Variants in GLS2 observed in about 807,000 individuals in gnomAD.
The protein encoded by GLS2 is glutaminase liver isoform, mitochondrial.
GLS2 carries 52 observed loss-of-function variants against 79.0 expected under a neutral mutation model. The ratio of observed to expected loss-of-function variants is 0.66; its 90% CI spans 0.53 to 0.83. The LOEUF (loss-of-function observed/expected upper bound fraction) is 0.83. Among genes scored for constraint, GLS2 ranks in the 40% least tolerant of loss-of-function variants. The pLI, the probability that GLS2 is intolerant of heterozygous loss-of-function variation, is 0.00. For synonymous variants in GLS2, 238 were observed against 280.8 expected, an observed-to-expected ratio of 0.85 and a Z score of 1.52; for missense variants, 561 against 764.8, an observed-to-expected ratio of 0.73 and a Z score of 3.14.
chr12:56,479,971 A>C, intron 2 of GLS2, 70 bp from the exon 3 acceptor site: 1 of 1,560,820 alleles, frequency 6.4e-7, no homozygotes, highest in Non-Finnish European at 8.7e-7. Flanking sequence ...AATCTTTCCC[A>C]CTGGATACCC....
intron 7 of GLS2, 143 bp from the exon 8 acceptor site, chr12:56,476,120 CCTT>C (rs778764192): frequency 1.2e-4 from 85 of 729,232 alleles, no homozygotes; most frequent in Non-Finnish European, 1.9e-4. Context: ...CTTTTTTTAT[CCTT>C]CTGAAAACAC....
intron 1 of GLS2, among the ~76,000 whole-genome samples, chr12:56,482,346 A>G (rs538298815): frequency 1.8e-4 from 27 of 152,362 alleles, no homozygotes; most frequent in African/African-American, 6.3e-4. Flanking sequence ...TGGGCCAGGA[A>G]CTGTGAGGCT....
intron 1 of GLS2, among the ~76,000 whole-genome samples, chr12:56,485,531 C>T (rs1870614573): frequency 6.6e-6 from 1 of 151,990 alleles, no homozygotes. Flanking sequence ...ACCCACAGTG[C>T]TGGGATTACA....
At chr12:56,472,407 A>G in intron 15 of GLS2, 1 of 607,192 alleles carries the variant, frequency 1.6e-6, no homozygotes, top group Non-Finnish European at 2.9e-6. Context: ...CAGAAATATC[A>G]CTCACTGCCT....
intron 15 of GLS2, 74 bp from the exon 16 acceptor site, chr12:56,472,269 T>C (rs1869352650): frequency 7.4e-7 from 1 of 1,345,074 alleles, no homozygotes; most frequent in Non-Finnish European, 1.1e-6. Flanking sequence ...TGAACTGGTG[T>C]CAGACTGGAT....
In GLS2 at chr12:56,478,200, G is replaced by A. The variant is rs1869993969; in HGVS notation, c.597C>T (p.Cys199=). 1.9e-6 allele frequency: 3 copies of A among 1,614,108 alleles called. No homozygotes were observed. Among genetic ancestry groups the A allele is most frequent in the Middle Eastern group, 1.6e-4 (1 of 6,084 alleles). ...CATCTCACCGTTGACCATCCACAGT[G>A]CACAGGGAGACACCCCACAGGTCTG... ...SNPDLWGVSL[C]TVDGQRHSVG... The change falls in exon 5 of 18, where the codon TGC becomes TGT. Residue 199 remains cysteine, a synonymous_variant. Coordinates refer to ENST00000311966, the MANE Select transcript of GLS2 (RefSeq NM_013267.4).
intron 7 of GLS2, chr12:56,476,644 A>C (rs1592276693): frequency 1.5e-5 from 2 of 135,076 alleles, no homozygotes. Flanking sequence ...CCCAGGCTGG[A>C]GTGCAGTGGC....
chr12:56,474,728 A>G lies in GLS2; in HGVS notation c.1048-8T>C, dbSNP rs200412931. Reference sequence around the variant, plus strand: ...GACCTCCACAGAACACAGCTATGAAAACAAAGAATAGGTGAAGATGTGACG... The same window carrying G: ...GACCTCCACAGAACACAGCTATGAAGACAAAGAATAGGTGAAGATGTGACG... On this transcript the variant is annotated splice_region_variant and splice_polypyrimidine_tract_variant and intron_variant, in intron 11 of 17. Coordinates refer to ENST00000311966, the MANE Select transcript of GLS2 (RefSeq NM_013267.4). 1.7e-5 allele frequency: 27 copies of G among 1,608,262 alleles called. No homozygotes were observed. In the East Asian group the frequency reaches 6.0e-4, roughly 36 times the overall value.
In GLS2 at chr12:56,475,850, A is replaced by G. The variant is rs1418095202; in HGVS notation, c.870+95T>C. On this transcript the variant is annotated intron_variant, in intron 8 of 17. Transcript: ENST00000311966. ...TAAGGCTTCTAGTATGGGCTGGTGC[A>G]CCTGGTAGTGGGGTTAGAGAGCCAC... 3.5e-6 allele frequency: 5 copies of G among 1,444,004 alleles called. No homozygotes were observed. In the African/African-American group the frequency reaches 7.0e-5, roughly 20 times the overall value. The allele number at this position is 1,444,004 out of a possible 1,614,324, so 89.4% of individuals were successfully genotyped here.
chr12:56,480,398 G>T lies in GLS2; in HGVS notation c.183-11C>A. 6.2e-7 allele frequency: 1 copy of T among 1,610,392 alleles called. No homozygotes were observed. Among genetic ancestry groups the T allele is most frequent in the Non-Finnish European group, 8.5e-7 (1 of 1,176,664 alleles). On this transcript the variant is annotated splice_polypyrimidine_tract_variant and intron_variant, in intron 1 of 17. Transcript: ENST00000311966. Reference sequence around the variant, plus strand: ...CTTTCTGATGAATCACTGTTTGGGGGCAGAGAATGGGGAGGAAAGTGGGGC... The same window carrying T: ...CTTTCTGATGAATCACTGTTTGGGGTCAGAGAATGGGGAGGAAAGTGGGGC...
At chr12:56,477,778 G>A (rs949502706) in intron 6 of GLS2, 60 bp from the exon 7 acceptor site, 13 of 1,566,814 alleles carry the variant, frequency 8.3e-6, no homozygotes, top group African/African-American at 5.5e-5. Context: ...CTGACAGCCC[G>A]CTCACTTTGT....
intron 1 of GLS2, among the ~76,000 whole-genome samples, chr12:56,481,199 CTTTTTTTTTTTTT>C (rs767616017): frequency 2.5e-5 from 2 of 79,022 alleles, no homozygotes; most frequent in African/African-American, 4.7e-5. Context: ...TGCCAGTGAT[CTTTTTTTTTTTTT>C]TTTTTTTTTT....
rs1869966020 is a variant in GLS2, at chr12:56,477,913, T to A, written c.778+20A>T. 1 of 1,607,648 alleles carries A rather than the reference T, an allele frequency of 6.2e-7. No individual in the cohort carries two copies. On this transcript the variant is annotated intron_variant, in intron 6 of 17. Coordinates refer to ENST00000311966, the MANE Select transcript of GLS2 (RefSeq NM_013267.4). ...GAAGGGGACAGCTGTAAGTACGGTC[T>A]GAGCCTTGGTAGTGCTCACCTTCCT...
chr12:56,471,322 AAT>A lies in GLS2; in HGVS notation c.*163_*164del, dbSNP rs1869239247. 3 of 674,208 alleles carry A rather than the reference AAT, an allele frequency of 4.4e-6. No individual in the cohort carries two copies. In the Admixed American group the frequency reaches 9.1e-5, roughly 20 times the overall value. The allele number at this position is 674,208 out of a possible 1,614,324, so 41.8% of individuals were successfully genotyped here. Reference sequence around the variant, plus strand: ...TTCTCTGTACTCTGTCTGCTGAGGGAATGGGGTATTTTGACTCCCATAGAAAG... The same window carrying A: ...TTCTCTGTACTCTGTCTGCTGAGGGAGGGGTATTTTGACTCCCATAGAAAG... On this transcript the variant is annotated 3_prime_UTR_variant, in exon 18 of 18. Coordinates refer to ENST00000311966, the MANE Select transcript of GLS2 (RefSeq NM_013267.4).
intron 1 of GLS2, among the ~76,000 whole-genome samples, chr12:56,486,263 T>TAAAAACACTA (rs1189807768): frequency 6.6e-6 from 1 of 151,994 alleles, no homozygotes; most frequent in Non-Finnish European, 1.5e-5. Context: ...CAAGGTCCCC[T>TAAAAACACTA]AAAAACACTT....
intron 15 of GLS2, chr12:56,472,438 TG>T (rs2136177576): frequency 3.3e-6 from 2 of 604,274 alleles, no homozygotes; most frequent in East Asian, 5.5e-5. Flanking sequence ...AGTGCCCATT[TG>T]AGGCAGGGTA....
rs1441962599 is a variant in GLS2 at position 56,475,948 on chromosome 12, ATCAAACT to A, written c.860_866del (p.Lys287IlefsTer52). 1 of 1,613,754 alleles carries A rather than the reference ATCAAACT, an allele frequency of 6.2e-7. No individual in the cohort carries two copies. Among genetic ancestry groups the A allele is most frequent in the African/African-American group, 1.3e-5 (1 of 74,920 alleles). ...GCTAAGTAGCAAGGGAACTTACAAA[ATCAAACT>A]TCTCTGCTTTGTTACAGTCCATCTG... On this transcript the variant is annotated frameshift_variant, in exon 8 of 18. Coordinates refer to ENST00000311966, the MANE Select transcript of GLS2 (RefSeq NM_013267.4). LOFTEE classifies it high-confidence loss of function.
At chr12:56,486,849 G>T (rs933135516) in intron 1 of GLS2, among the ~76,000 whole-genome samples, 4 of 152,214 alleles carry the variant, frequency 2.6e-5, no homozygotes, top group African/African-American at 9.6e-5. Flanking sequence ...GACAGAGTGA[G>T]ACTCCGTCTC....
At chr12:56,487,092 A>C (rs1218104619) in intron 1 of GLS2, among the ~76,000 whole-genome samples, 1 of 152,136 alleles carries the variant, frequency 6.6e-6, no homozygotes, top group East Asian at 1.9e-4. Context: ...TGTTCCTGCT[A>C]CAGTAGAGCA....
Sources: gnomAD v4.1 joint callset for allele counts (sites outside exome capture counted in the v4.1 genomes callset) on GRCh38, gnomAD v4.1.1 for gene constraint, MANE v1.5 for transcripts, NCBI Gene and HGNC (gene_info 2026-07-23, HGNC 2026-07-21) for gene names.